The following SAXO5 variants were observed in gnomAD, a reference collection of about 807,000 sequenced individuals.
The protein encoded by SAXO5 is testis expressed 45.
the SAXO5 span, chr19:7,505,741 G>C: frequency 1.8e-6 from 2 of 1,085,864 alleles, no homozygotes; most frequent in Non-Finnish European, 2.7e-6. Context: ...GAATCTCCTG[G>C]ATGTACTTGA....
chr19:7,505,511 T>G, the SAXO5 span: 3,860 of 1,614,166 alleles, frequency 2.4e-3, 10 homozygotes, highest in Non-Finnish European at 2.5e-3. Flanking sequence ...GTTCCGCTTC[T>G]GGCAGAGCCT....
the SAXO5 span, chr19:7,504,368 G>C: frequency 6.2e-7 from 1 of 1,614,152 alleles, no homozygotes; most frequent in Non-Finnish European, 8.5e-7. Flanking sequence ...AACGTGTTCG[G>C]AGCAGAAACA....
At chr19:7,508,246 G>A in the SAXO5 span, 6 of 1,614,026 alleles carry the variant, frequency 3.7e-6, no homozygotes, top group South Asian at 1.1e-5. Context: ...GGTGGACTGC[G>A]CTTCTTCTCA....
chr19:7,507,280 C>A, the SAXO5 span: 1 of 740,576 alleles, frequency 1.4e-6, no homozygotes. Context: ...ATCCCTTCAG[C>A]CTGAAGATCA....
chr19:7,504,088 C>CTCTCTCTG, the SAXO5 span: 1 of 1,484,574 alleles, frequency 6.7e-7, no homozygotes, highest in South Asian at 1.1e-5. Context: ...CAATCTCTCT[C>CTCTCTCTG]TCTCTCCCCC....
the SAXO5 span, chr19:7,505,460 TC>T: frequency 3.7e-6 from 6 of 1,613,162 alleles, no homozygotes; most frequent in African/African-American, 5.3e-5. Flanking sequence ...GCCCGCCCCG[TC>T]CCGCCTCCCA....
At chr19:7,502,343 C>A in the SAXO5 span, among the ~76,000 whole-genome samples, 2 of 152,138 alleles carry the variant, frequency 1.3e-5, no homozygotes, top group Admixed American at 1.3e-4. Context: ...CTCCTGGGCT[C>A]AAGCAATCCA....
chr19:7,505,800 C>G, the SAXO5 span, among the ~76,000 whole-genome samples: 1 of 152,102 alleles, frequency 6.6e-6, no homozygotes, highest in Non-Finnish European at 1.5e-5. Context: ...TCCGTGGCTC[C>G]TTCTGTAAAA....
the SAXO5 span, among the ~76,000 whole-genome samples, chr19:7,498,170 T>TACACACACACACACACAC: frequency 7.0e-6 from 1 of 142,434 alleles, no homozygotes; most frequent in African/African-American, 2.6e-5. Context: ...CACACACACA[T>TACACACACACACACACAC]ACACACACAC....
the SAXO5 span, chr19:7,501,416 G>C: frequency 6.8e-7 from 1 of 1,463,856 alleles, no homozygotes. Flanking sequence ...GCGCGCCCGG[G>C]CTGAGTGGGC....
At chr19:7,503,536 G>A in the SAXO5 span, among the ~76,000 whole-genome samples, 1 of 151,720 alleles carries the variant, frequency 6.6e-6, no homozygotes, top group Middle Eastern at 3.2e-3. Flanking sequence ...CCAGGCTGGA[G>A]TGCAGTGGCA....
At chr19:7,500,763 CCA>C in the SAXO5 span, 3 of 1,377,802 alleles carry the variant, frequency 2.2e-6, no homozygotes, top group South Asian at 1.6e-5. Flanking sequence ...GGCAAGTGCC[CCA>C]ATGGGCACTT....
chr19:7,507,856 C>T, the SAXO5 span, among the ~76,000 whole-genome samples: 1 of 152,148 alleles, frequency 6.6e-6, no homozygotes, highest in African/African-American at 2.4e-5. Context: ...TGCTCTGGCT[C>T]TGTCCCTAGG....
At chr19:7,503,327 A>G in the SAXO5 span, among the ~76,000 whole-genome samples, 1 of 152,074 alleles carries the variant, frequency 6.6e-6, no homozygotes, top group Non-Finnish European at 1.5e-5. Flanking sequence ...AGATTGTGCC[A>G]CTGCACTCCA....
the SAXO5 span, among the ~76,000 whole-genome samples, chr19:7,498,747 A>G: frequency 6.6e-6 from 1 of 152,064 alleles, no homozygotes; most frequent in Non-Finnish European, 1.5e-5. Context: ...GGTTGAAGTG[A>G]TCTGGGAGGT....
chr19:7,498,199 A>ACACACACACC, the SAXO5 span, among the ~76,000 whole-genome samples: 9 of 147,096 alleles, frequency 6.1e-5, no homozygotes, highest in African/African-American at 7.6e-5. Context: ...ACACACACAC[A>ACACACACACC]CCCTTCATCC....
At chr19:7,503,828 C>T in the SAXO5 span, among the ~76,000 whole-genome samples, 1 of 152,164 alleles carries the variant, frequency 6.6e-6, no homozygotes, top group Non-Finnish European at 1.5e-5. Flanking sequence ...GAGGGTCTTA[C>T]TATGTTGCCC....
At chr19:7,508,263 T>C in the SAXO5 span, 1 of 1,613,984 alleles carries the variant, frequency 6.2e-7, no homozygotes, top group Non-Finnish European at 8.5e-7. Flanking sequence ...CTCAACACAA[T>C]ACAAGGACGA....
the SAXO5 span, among the ~76,000 whole-genome samples, chr19:7,503,554 G>A: frequency 1.8e-3 from 272 of 151,794 alleles, no homozygotes; most frequent in Admixed American, 7.7e-3. Flanking sequence ...GCACGATCTC[G>A]GCTCACTGCA....
Sources: gnomAD v4.1 joint callset for allele counts (sites outside exome capture counted in the v4.1 genomes callset) on GRCh38, gnomAD v4.1.1 for gene constraint, MANE v1.5 for transcripts, NCBI Gene and HGNC (gene_info 2026-07-23, HGNC 2026-07-21) for gene names.